KCNIP3: variants seen among roughly 807,000 people sequenced by gnomAD.
The protein encoded by KCNIP3 is calsenilin.
A neutral mutation model predicts 35.0 loss-of-function variants in KCNIP3; 28 were observed. The ratio of observed to expected loss-of-function variants is 0.80; its 90% CI spans 0.59 to 1.10. The LOEUF is 1.10. Ranked by LOEUF, KCNIP3 falls within the 50% of genes least tolerant of loss-of-function variation. The pLI is 0.00. For synonymous variants in KCNIP3, 134 were observed against 133.8 expected, an observed-to-expected ratio of 1.00 and a Z score of -0.01; for missense variants, 295 against 338.4, an observed-to-expected ratio of 0.87 and a Z score of 1.01.
intron 2 of KCNIP3, among the ~76,000 whole-genome samples, chr2:95,346,447 C>T (rs1342125386): frequency 2.0e-5 from 3 of 150,504 alleles, no homozygotes; most frequent in Non-Finnish European, 4.4e-5. Flanking sequence ...CCGTGCCGGG[C>T]GGGGCGGGGC....
chr2:95,375,962 A>C (rs1345175254), intron 5 of KCNIP3, among the ~76,000 whole-genome samples: 1 of 152,242 alleles, frequency 6.6e-6, no homozygotes, highest in African/African-American at 2.4e-5. Flanking sequence ...AGAGAAGCAC[A>C]TGGGGCCAGA....
Position 95,378,779 on chromosome 2 carries a change from T to TAC in KCNIP3, c.448-2801_448-2800dup, listed in dbSNP as rs1187969010. ...AACAAAAACAAAATATATATATATATACACACACACACACACATATATATA... is the reference window on the plus strand; with the variant it reads ...AACAAAAACAAAATATATATATATATACACACACACACACACACATATATATA... On this transcript the variant is annotated intron_variant, in intron 5 of 8. Transcript: ENST00000295225. This position sits in a 1 kb window ranked among gnomAD's most constrained non-coding sequence, Gnocchi z 4.0. Among the ~76,000 whole-genome samples the TAC allele has an allele frequency of 9.3e-3, 1,376 of 148,402 alleles. 9 individuals are homozygous for TAC. Among genetic ancestry groups the TAC allele is most frequent in the African/African-American group, 0.027 (1,086 of 40,220 alleles).
chr2:95,381,356 C>T (rs568312293), intron 5 of KCNIP3, among the ~76,000 whole-genome samples: 1 of 151,836 alleles, frequency 6.6e-6, no homozygotes, highest in South Asian at 2.2e-4. Flanking sequence ...CACACCCTCA[C>T]ACAAGTTCTC....
intron 2 of KCNIP3, among the ~76,000 whole-genome samples, chr2:95,373,339 TAAATAAA>T (rs750793911): frequency 1.3e-5 from 2 of 148,910 alleles, no homozygotes; most frequent in African/African-American, 2.5e-5. Flanking sequence ...TTTAAAATCA[TAAATAAA>T]AAAGTAAAAA....
chr2:95,326,072 TACTA>T (rs1219569894), intron 2 of KCNIP3, among the ~76,000 whole-genome samples: 2 of 143,292 alleles, frequency 1.4e-5, no homozygotes, highest in African/African-American at 2.7e-5. Flanking sequence ...CATTCACTCA[TACTA>T]ACACACTCAT....
intron 2 of KCNIP3, among the ~76,000 whole-genome samples, chr2:95,329,563 C>A (rs1295070780): frequency 2.0e-5 from 3 of 152,216 alleles, no homozygotes; most frequent in Non-Finnish European, 4.4e-5. Flanking sequence ...TGACTCCAGA[C>A]CCCGTGCCCT....
intron 1 of KCNIP3, among the ~76,000 whole-genome samples, chr2:95,309,449 A>C (rs1678259152): frequency 7.0e-6 from 1 of 142,878 alleles, no homozygotes; most frequent in Non-Finnish European, 1.5e-5. Flanking sequence ...TTTTTGAGAC[A>C]GTCTGGCTCT....
intron 2 of KCNIP3, among the ~76,000 whole-genome samples, chr2:95,371,961 C>T (rs1680051177): frequency 6.6e-6 from 1 of 151,966 alleles, no homozygotes; most frequent in South Asian, 2.1e-4. Context: ...CCCGCCACTG[C>T]ACCCGGCTCA....
intron 2 of KCNIP3, among the ~76,000 whole-genome samples, chr2:95,358,298 T>C (rs575448392): frequency 6.6e-6 from 1 of 152,182 alleles, no homozygotes; most frequent in Non-Finnish European, 1.5e-5. Context: ...CATTTCAGCT[T>C]AGTGAATTAA....
intron 5 of KCNIP3, 111 bp from the exon 6 acceptor site, chr2:95,381,485 G>C (rs1365435385): frequency 8.2e-6 from 6 of 734,356 alleles, no homozygotes; most frequent in Non-Finnish European, 1.5e-5. Flanking sequence ...GTCTCTTAGG[G>C]AGGCTCTGTG....
chr2:95,320,244 C>A (rs1262386855), intron 2 of KCNIP3, among the ~76,000 whole-genome samples: 1 of 152,170 alleles, frequency 6.6e-6, no homozygotes, highest in Non-Finnish European at 1.5e-5. Flanking sequence ...ACCCTCAGTC[C>A]ACTCGGTGTG....
At chr2:95,373,274 A>G (rs567448560) in intron 2 of KCNIP3, among the ~76,000 whole-genome samples, 22 of 152,292 alleles carry the variant, frequency 1.4e-4, no homozygotes, top group African/African-American at 5.1e-4. Flanking sequence ...CCCTAGCTTT[A>G]TTTTGCATTG....
intron 2 of KCNIP3, among the ~76,000 whole-genome samples, chr2:95,343,507 G>T (rs1290036564): frequency 6.6e-6 from 1 of 152,176 alleles, no homozygotes; most frequent in Non-Finnish European, 1.5e-5. Flanking sequence ...CACGGAATGG[G>T]TCCCTCAAAC....
intron 2 of KCNIP3, among the ~76,000 whole-genome samples, chr2:95,335,624 G>A (rs1290720312): frequency 6.6e-6 from 1 of 151,826 alleles, no homozygotes; most frequent in Admixed American, 6.6e-5. Context: ...TCCTGCCTGG[G>A]GTTCATTGAG....
intron 1 of KCNIP3, among the ~76,000 whole-genome samples, chr2:95,305,593 G>C (rs1197795629): frequency 6.6e-6 from 1 of 152,156 alleles, no homozygotes; most frequent in African/African-American, 2.4e-5. Flanking sequence ...ATGCAAAACA[G>C]CTCTGTCCCC....
intron 2 of KCNIP3, among the ~76,000 whole-genome samples, chr2:95,346,570 C>A (rs1304337483): frequency 6.9e-6 from 1 of 145,552 alleles, no homozygotes; most frequent in Non-Finnish European, 1.5e-5. Context: ...GAGGCTGGGG[C>A]GGCCGGGAGC....
chr2:95,373,177 A>G (rs1306381045), intron 2 of KCNIP3, among the ~76,000 whole-genome samples: 3 of 152,172 alleles, frequency 2.0e-5, no homozygotes, highest in East Asian at 1.9e-4. Flanking sequence ...AGCGGGGCCC[A>G]TGAGTCCTGG....
At chr2:95,325,581 A>G (rs1006471133) in intron 2 of KCNIP3, among the ~76,000 whole-genome samples, 13 of 151,982 alleles carry the variant, frequency 8.6e-5, no homozygotes, top group African/African-American at 3.1e-4. Flanking sequence ...GGGCACATGC[A>G]CGCACACACG....
chr2:95,372,703 G>C (rs1680069040), intron 2 of KCNIP3, among the ~76,000 whole-genome samples: 1 of 152,224 alleles, frequency 6.6e-6, no homozygotes, highest in South Asian at 2.1e-4. Context: ...GTGGGTAGGT[G>C]TGGGGTGAGG....
Sources: gnomAD v4.1 joint callset for allele counts (sites outside exome capture counted in the v4.1 genomes callset) on GRCh38, gnomAD v4.1.1 for gene constraint, Gnocchi (gnomAD v3.1) non-coding constraint, MANE v1.5 for transcripts, NCBI Gene and HGNC (gene_info 2026-07-23, HGNC 2026-07-21) for gene names.